The following PRUNE2 variants were observed in gnomAD, a reference collection of about 807,000 sequenced individuals.
PRUNE2 encodes the protein prune homolog 2 with BCH domain, also known as protein prune homolog 2.
PRUNE2 carries 164 observed loss-of-function variants against 252.0 expected under a neutral mutation model. That is an observed-to-expected ratio of 0.65 (90% CI 0.57 to 0.74). The LOEUF (loss-of-function observed/expected upper bound fraction) is 0.74. Among genes scored for constraint, PRUNE2 ranks in the 30% least tolerant of loss-of-function variants. The pLI is 0.00. For missense variants in PRUNE2, 3,495 were observed against 3,711.0 expected (o/e 0.94, Z 1.51); for synonymous variants, 1,292 against 1,350.2 (o/e 0.96, Z 0.94).
intron 9 of PRUNE2, among the ~76,000 whole-genome samples, chr9:76,672,005 A>C (rs1159269893): frequency 1.3e-5 from 2 of 151,498 alleles, no homozygotes; most frequent in African/African-American, 4.8e-5. Flanking sequence ...TAACGAGCAA[A>C]ATAACCAGCT....
At chr9:76,693,584 C>T (rs900827970) in intron 9 of PRUNE2, among the ~76,000 whole-genome samples, 1 of 151,874 alleles carries the variant, frequency 6.6e-6, no homozygotes, top group Admixed American at 6.6e-5. Flanking sequence ...GCTGGGACCA[C>T]AGGCGTGCAC....
At chr9:76,693,534 C>T (rs1243191764) in intron 9 of PRUNE2, among the ~76,000 whole-genome samples, 1 of 150,474 alleles carries the variant, frequency 6.6e-6, no homozygotes, top group Admixed American at 6.6e-5. Flanking sequence ...ACCTCTGCCT[C>T]CCAGGTTCAA....
intron 6 of PRUNE2, chr9:76,784,973 A>G (rs1589221633): frequency 6.6e-6 from 1 of 152,140 alleles, no homozygotes; most frequent in African/African-American, 2.4e-5. Flanking sequence ...ATTTAATTAC[A>G]TATTTTGTTT....
intron 6 of PRUNE2, among the ~76,000 whole-genome samples, chr9:76,816,361 A>G (rs2057695800): frequency 6.6e-6 from 1 of 152,136 alleles, no homozygotes; most frequent in Non-Finnish European, 1.5e-5. Flanking sequence ...TTCTTTACAC[A>G]GGGATTTTTT....
At chr9:76,844,534 T>C (rs909077546) in intron 4 of PRUNE2, among the ~76,000 whole-genome samples, 2 of 152,166 alleles carry the variant, frequency 1.3e-5, no homozygotes, top group African/African-American at 4.8e-5. Context: ...AGATATTCCT[T>C]TACAGCAACA....
At chr9:76,903,723 G>A (rs2063318813) in intron 1 of PRUNE2, among the ~76,000 whole-genome samples, 1 of 152,130 alleles carries the variant, frequency 6.6e-6, no homozygotes, top group Middle Eastern at 3.2e-3. Flanking sequence ...TAGTAGCTGG[G>A]ATTACAGGCA....
At chr9:76,885,803 T>C (rs1419762820) in intron 1 of PRUNE2, among the ~76,000 whole-genome samples, 1 of 152,094 alleles carries the variant, frequency 6.6e-6, no homozygotes, top group Non-Finnish European at 1.5e-5. Context: ...GGGATAACAG[T>C]ACCTACCAAA....
chr9:76,764,092 G>A (rs1476987559), intron 6 of PRUNE2, among the ~76,000 whole-genome samples: 3 of 152,158 alleles, frequency 2.0e-5, no homozygotes, highest in Non-Finnish European at 4.4e-5. Context: ...TCATTGATTC[G>A]TTGATTCACA....
chr9:76,764,432 C>G (rs1432854978), intron 6 of PRUNE2: 3 of 152,008 alleles, frequency 2.0e-5, no homozygotes, highest in African/African-American at 7.3e-5. Flanking sequence ...TCAGAGTGTT[C>G]CAGACAGAAG....
chr9:76,771,355 A>G (rs1262415706), intron 6 of PRUNE2, among the ~76,000 whole-genome samples: 1 of 152,218 alleles, frequency 6.6e-6, no homozygotes, highest in Non-Finnish European at 1.5e-5. Context: ...AGAGTTACAG[A>G]GTCCTCAAAA....
chr9:76,670,039 G>C (rs565327), intron 9 of PRUNE2, among the ~76,000 whole-genome samples: 8 of 151,906 alleles, frequency 5.3e-5, no homozygotes, highest in Admixed American at 5.2e-4. Flanking sequence ...CAAAATCTTC[G>C]GGGAGGAGCC....
intron 6 of PRUNE2, among the ~76,000 whole-genome samples, chr9:76,716,731 G>A (rs1324082336): frequency 6.6e-6 from 1 of 151,496 alleles, no homozygotes; most frequent in Non-Finnish European, 1.5e-5. Context: ...TGCAGAATGC[G>A]CAGGTTTGTT....
intron 1 of PRUNE2, among the ~76,000 whole-genome samples, chr9:76,875,847 G>A (rs148929357): frequency 1.3e-5 from 2 of 152,306 alleles, no homozygotes; most frequent in African/African-American, 4.8e-5. Flanking sequence ...CCTTTGACAC[G>A]TATCTCAAAC....
intron 6 of PRUNE2, among the ~76,000 whole-genome samples, chr9:76,799,494 A>G (rs190092323): frequency 1.3e-5 from 2 of 152,216 alleles, no homozygotes; most frequent in Admixed American, 6.5e-5. Context: ...AATATTGAAC[A>G]AGGAAGAATA....
At chr9:76,655,344 G>T in intron 10 of PRUNE2, 79 bp downstream of exon 10, 1 of 1,017,580 alleles carries the variant, frequency 9.8e-7, no homozygotes. Context: ...AGATGCACAG[G>T]AAATAATTCT....
At chr9:76,686,519 G>T (rs1300870466) in intron 9 of PRUNE2, among the ~76,000 whole-genome samples, 2 of 152,130 alleles carry the variant, frequency 1.3e-5, no homozygotes, top group African/African-American at 4.8e-5. Flanking sequence ...GCAGTGGCAT[G>T]AACACGGCTC....
intron 1 of PRUNE2, among the ~76,000 whole-genome samples, chr9:76,893,620 G>T (rs919270308): frequency 6.6e-6 from 1 of 152,252 alleles, no homozygotes; most frequent in Non-Finnish European, 1.5e-5. Flanking sequence ...TGTATGAATT[G>T]ATTTGTACAG....
chr9:76,774,450 CTTTTTTTTT>C (rs869289049), intron 6 of PRUNE2, among the ~76,000 whole-genome samples: 1 of 41,402 alleles, frequency 2.4e-5, no homozygotes. Context: ...CAGTTCAACC[CTTTTTTTTT>C]TTTTTTTTTT....
intron 1 of PRUNE2, among the ~76,000 whole-genome samples, chr9:76,864,298 G>C (rs936738556): frequency 2.0e-5 from 3 of 152,112 alleles, no homozygotes; most frequent in African/African-American, 4.8e-5. Flanking sequence ...CCTACCAGAG[G>C]GGGTAGCAGG....
Sources: allele counts gnomAD v4.1 joint callset (sites outside exome capture counted in the v4.1 genomes callset), GRCh38; gene constraint gnomAD v4.1.1; transcripts MANE v1.5; gene names NCBI Gene and HGNC (gene_info 2026-07-23, HGNC 2026-07-21).